Variants in PLEKHG4 observed in about 807,000 individuals in gnomAD.
PLEKHG4 encodes the protein puratrophin-1.
In PLEKHG4, 85 loss-of-function variants were observed where a neutral mutation model predicts 136.9. That is an observed-to-expected ratio of 0.62 (90% CI 0.52 to 0.74). PLEKHG4 has a LOEUF of 0.74. Among genes scored for constraint, PLEKHG4 ranks in the 30% least tolerant of loss-of-function variants. The pLI, the probability that PLEKHG4 is intolerant of heterozygous loss-of-function variation, is 0.00. For missense variants in PLEKHG4, 1,317 were observed against 1,527.8 expected (o/e 0.86, Z 2.30); for synonymous variants, 577 against 646.9 (o/e 0.89, Z 1.64).
At position 67,285,377 on chromosome 16, in the gene PLEKHG4, G is replaced by T. The variant is rs140480523; in HGVS notation, c.2283G>T (p.Glu761Asp). 9 of 1,614,118 alleles carry T rather than the reference G, an allele frequency of 5.6e-6. No homozygotes were observed. The highest frequency in any genetic ancestry group is 5.5e-5 in the South Asian group (5 of 91,094). ...ACACTATGGAGAACTATTTCCCCGA[G>T]CTGGATCGCCCCGATGTGCCCCAGG... ...LEYTMENYFP[E>D]LDRPDVPQGL... The change falls in exon 14 of 22, where the codon GAG becomes GAT. Residue 761 changes from glutamate (E) to aspartate (D), a missense_variant. Physicochemically the swap from Glu to Asp is conservative, Grantham distance 45. Coordinates refer to ENST00000379344, the MANE Select transcript of PLEKHG4 (RefSeq NM_001129729.3).
Position 67,284,278 on chromosome 16 carries a change from C to T in PLEKHG4, c.1513C>T (p.Gln505Ter). ...FQELYQVAQE[Q>*]VRQGEKFLQP... The stretch of plus-strand genomic sequence containing the variant: ...AGCCTAGTCTCTGTCTCTGCAGGAG[C>T]AGGTCAGGCAAGGGGAGAAGTTTCT... Residue 505 changes from glutamine (Q) to a stop codon, truncating the protein, a stop_gained, in exon 12 of 22, where the codon CAG (glutamine) becomes TAG (stop). Coordinates refer to ENST00000379344, the MANE Select transcript of PLEKHG4 (RefSeq NM_001129729.3). LOFTEE classifies it high-confidence loss of function. This position sits in a 1 kb window ranked among gnomAD's most constrained non-coding sequence, Gnocchi z 4.4. The T allele has an allele frequency of 6.2e-7, 1 of 1,613,664 alleles. No homozygotes were observed. The highest frequency in any genetic ancestry group is 8.5e-7 in the Non-Finnish European group (1 of 1,179,824).
chr16:67,281,838 G>A lies in PLEKHG4; in HGVS notation c.1005+1G>A. 6.2e-7 allele frequency: 1 copy of A among 1,611,058 alleles called. No homozygotes were observed. Among genetic ancestry groups the A allele is most frequent in the Non-Finnish European group, 8.5e-7 (1 of 1,178,542 alleles). On this transcript the variant is annotated splice_donor_variant, in intron 7 of 21. Coordinates refer to ENST00000379344, the MANE Select transcript of PLEKHG4 (RefSeq NM_001129729.3). LOFTEE classifies it high-confidence loss of function. ...CCAGGCCTGGCTGGATTTCCGAAGG[G>A]TCAGTACACTGGGTGGGGCATGGGG...
upstream of PLEKHG4, chr16:67,279,244 C>T (rs1389796154): frequency 6.6e-6 from 1 of 152,180 alleles, no homozygotes; most frequent in Non-Finnish European, 1.5e-5. Context: ...GACCGTTGGT[C>T]GCTGCCCCAA....
In PLEKHG4 at chr16:67,289,217, CTTAAAGCCGAGCT is replaced by C; in HGVS notation, c.*410_*422del. 2.3e-6 allele frequency: 1 copy of C among 443,636 alleles called. No individual in the cohort carries two copies. Among genetic ancestry groups the C allele is most frequent in the South Asian group, 2.5e-5 (1 of 40,696 alleles). The allele number at this position is 443,636 out of a possible 1,614,324, so 27.5% of individuals were successfully genotyped here. A position where few individuals can be genotyped will look rare whatever the true frequency, so the allele number is the denominator to read the frequency against. On this transcript the variant is annotated 3_prime_UTR_variant, in exon 22 of 22. Coordinates refer to ENST00000379344, the MANE Select transcript of PLEKHG4 (RefSeq NM_001129729.3). ...TAGCAGCTGATCCCCAATGCCTGGC[CTTAAAGCCGAGCT>C]CAGTTACCATAGGGACAGGTCCACC... is the stretch of plus-strand genomic sequence containing the variant.
Position 67,284,330 on chromosome 16 carries a change from C to T in PLEKHG4, c.1565C>T (p.Ala522Val). The T allele has an allele frequency of 6.2e-6, 10 of 1,613,860 alleles. No homozygotes were observed. Among genetic ancestry groups the T allele is most frequent in the Non-Finnish European group, 8.5e-6 (10 of 1,179,936 alleles). Residue 522 changes from alanine to valine, a missense_variant, in exon 12 of 22, where the codon GCT becomes GTT. Transcript: ENST00000379344. The surrounding 1 kb of genome is among the most constrained non-coding windows in gnomAD (Gnocchi z 4.4). ...CAGCCGCTGACTGGCTGGGAGGCGG[C>T]TGAACTGGACCCCCCTGGGGCACGC... ...FLQPLTGWEA[A>V]ELDPPGARFL...
At position 67,284,448 on chromosome 16, in the gene PLEKHG4, C is replaced by T. The variant is rs1202556820; in HGVS notation, c.1683C>T (p.Leu561=). 8.1e-6 allele frequency: 13 copies of T among 1,613,782 alleles called. No individual in the cohort carries two copies. Among genetic ancestry groups the T allele is most frequent in the Non-Finnish European group, 1.0e-5 (12 of 1,179,886 alleles). Residue 561 remains leucine, a synonymous_variant, in exon 12 of 22, where the codon CTC becomes CTT. Transcript: ENST00000379344. This position sits in a 1 kb window ranked among gnomAD's most constrained non-coding sequence, Gnocchi z 4.4. ...RLADAERLFQ[L]FREALTWAEE... ...CGGATGCTGAGAGGCTGTTTCAGCT[C>T]TTCAGGGAGGTGGGTGAGAGTCTCC...
At position 67,282,273 on chromosome 16, in the gene PLEKHG4, C is replaced by T. The variant is rs1277307737; in HGVS notation, c.1177C>T (p.Leu393=). 1.2e-6 allele frequency: 2 copies of T among 1,613,196 alleles called. No homozygotes were observed. The highest frequency in any genetic ancestry group is 1.3e-5 in the African/African-American group (1 of 74,934). ...GCTAGACTCGCCATGGCTGGCATGG[C>T]TACAATGCCAGGGGGGCCGGGAGCT... ...QVLDSPWLAW[L]QCQGGRELTW... Residue 393 remains leucine (L), a synonymous_variant, in exon 9 of 22, where the codon CTA becomes TTA. Coordinates refer to ENST00000379344, the MANE Select transcript of PLEKHG4 (RefSeq NM_001129729.3).
chr16:67,282,940 TCAATC>T lies in PLEKHG4; in HGVS notation c.1509+84_1509+88del. On this transcript the variant is annotated intron_variant, in intron 11 of 21. Coordinates refer to ENST00000379344, the MANE Select transcript of PLEKHG4 (RefSeq NM_001129729.3). ...GAATGCAGAACTGTGTGAAAGCAAT[TCAATC>T]CTTTGCTTTCTTAGACCTTATAGTC... 17 of 1,007,744 alleles carry T rather than the reference TCAATC, an allele frequency of 1.7e-5. No individual in the cohort carries two copies. In the South Asian group the frequency reaches 2.2e-4, roughly 13 times the overall value. 62.4% of individuals were successfully genotyped at this position (1,007,744 alleles called of 1,614,324 possible). A position where few individuals can be genotyped will look rare whatever the true frequency, so the allele number is the denominator to read the frequency against.
rs916596330 is a variant in PLEKHG4 at position 67,284,580 on chromosome 16, G to A, written c.1692+123G>A. 11 of 1,472,452 alleles carry A rather than the reference G, an allele frequency of 7.5e-6. No individual in the cohort carries two copies. The African/African-American group carries it at 1.3e-4, about 17-fold the overall frequency. The allele number at this position is 1,472,452 out of a possible 1,614,324, so 91.2% of individuals were successfully genotyped here. On this transcript the variant is annotated intron_variant, in intron 12 of 21. Transcript: ENST00000379344. The surrounding 1 kb of genome is among the most constrained non-coding windows in gnomAD (Gnocchi z 4.4). ...TGTTCTCTTCCCTGGTCTTCAGTTT[G>A]ACCCTAAAACCCAGTCACTGGGGCT...
rs148880072 is a variant in PLEKHG4 at position 67,281,772 on chromosome 16, G to A, written c.940G>A (p.Gly314Arg). 5.4e-5 allele frequency: 87 copies of A among 1,613,852 alleles called. No individual in the cohort carries two copies. The highest frequency in any genetic ancestry group is 1.6e-4 in the Middle Eastern group (1 of 6,084). Residue 314 changes from glycine to arginine, a missense_variant, in exon 7 of 22, where the codon GGG (glycine) becomes AGG (arginine). Gly to Arg is a moderately radical substitution (Grantham distance 125). Transcript: ENST00000379344. ...QSLLTHIPTA[G>R]LPTSLGGGLP... is the part of the protein sequence containing the mutation. Reference sequence around the variant, plus strand: ...CCTGCTGACCCACATCCCAACGGCGGGGCTGCCCACTTCGCTAGGAGGAGG... The same window carrying A: ...CCTGCTGACCCACATCCCAACGGCGAGGCTGCCCACTTCGCTAGGAGGAGG...
rs2036579555 is a variant in PLEKHG4, at chr16:67,288,281, T to A, written c.3335T>A (p.Leu1112His). 6.2e-7 allele frequency: 1 copy of A among 1,613,300 alleles called. No individual in the cohort carries two copies. The highest frequency in any genetic ancestry group is 1.3e-5 in the African/African-American group (1 of 75,038). ...DPASCSVLGS[L>H]NLHLYRDPAL... ...GCCTCTTGCTCTGTTCTGGGGTCCCTCAACCTGCACCTGTACAGAGACCCA... is the reference window on the plus strand; with the variant it reads ...GCCTCTTGCTCTGTTCTGGGGTCCCACAACCTGCACCTGTACAGAGACCCA... The change falls in exon 20 of 22, where the codon CTC becomes CAC. Residue 1112 changes from leucine to histidine, a missense_variant. By Grantham distance (99) the Leu-to-His change is moderately conservative. Transcript: ENST00000379344.
Position 67,282,154 on chromosome 16 carries a change from CCTT to C in PLEKHG4, c.1105-44_1105-42del, listed in dbSNP as rs541293899. ...CTCCATGAATGCTCCCTGTCTCCCT[CCTT>C]CTCTCCCATGGCCACCTCCACAGCT... On this transcript the variant is annotated intron_variant, in intron 8 of 21. Coordinates refer to ENST00000379344, the MANE Select transcript of PLEKHG4 (RefSeq NM_001129729.3). 5.3e-3 allele frequency: 8,487 copies of C among 1,613,516 alleles called. 32 individuals are homozygous for C. The highest frequency in any genetic ancestry group is 6.4e-3 in the Non-Finnish European group (7,531 of 1,179,916).
At position 67,282,324 on chromosome 16, in the gene PLEKHG4, G is replaced by C; in HGVS notation, c.1228G>C (p.Glu410Gln). 6.2e-7 allele frequency: 1 copy of C among 1,612,914 alleles called. No homozygotes were observed. Among genetic ancestry groups the C allele is most frequent in the Non-Finnish European group, 8.5e-7 (1 of 1,179,876 alleles). ...GACATGGCTGAAGCAAGAGGTCCCA[G>C]AGGTGACCCTGAGCCCAGACTACAG... ...ELTWLKQEVPEVTLSPDYRTA... is the reference protein window; with the variant it reads ...ELTWLKQEVPQVTLSPDYRTA... The change falls in exon 9 of 22, where the codon GAG becomes CAG. Residue 410 changes from glutamate (E) to glutamine (Q), a missense_variant. Glu to Gln is a conservative substitution (Grantham distance 29). Coordinates refer to ENST00000379344, the MANE Select transcript of PLEKHG4 (RefSeq NM_001129729.3).
At chr16:67,287,511 C>T in intron 18 of PLEKHG4, 3 of 496,010 alleles carry the variant, frequency 6.0e-6, no homozygotes, top group Non-Finnish European at 1.1e-5. Context: ...GCATTCTTCC[C>T]ACCTAAGCCT....
At chr16:67,287,643 T>G (rs1441945695) in intron 18 of PLEKHG4, 27 of 560,650 alleles carry the variant, frequency 4.8e-5, no homozygotes, top group Non-Finnish European at 1.6e-5. Flanking sequence ...TCCTCCTACC[T>G]CGGCCTCCCA....
chr16:67,286,411 C>G (rs747069507), intron 15 of PLEKHG4, 34 bp from the exon 16 acceptor site: 1 of 1,608,684 alleles, frequency 6.2e-7, no homozygotes, highest in Non-Finnish European at 8.5e-7. Context: ...GGGAGTGCCC[C>G]CAAACCACTC....
At position 67,281,851 on chromosome 16, in the gene PLEKHG4, G is replaced by A; in HGVS notation, c.1005+14G>A. Reference sequence around the variant, plus strand: ...GATTTCCGAAGGGTCAGTACACTGGGTGGGGCATGGGGGCAGTCATATAGG... The same window carrying A: ...GATTTCCGAAGGGTCAGTACACTGGATGGGGCATGGGGGCAGTCATATAGG... On this transcript the variant is annotated intron_variant, in intron 7 of 21. Transcript: ENST00000379344. The A allele has an allele frequency of 6.2e-7, 1 of 1,603,916 alleles. No individual in the cohort carries two copies. Among genetic ancestry groups the A allele is most frequent in the Non-Finnish European group, 8.5e-7 (1 of 1,172,578 alleles).
intron 5 of PLEKHG4, 142 bp from the exon 6 acceptor site, chr16:67,281,425 A>T: frequency 1.3e-6 from 1 of 767,366 alleles, no homozygotes; most frequent in South Asian, 1.5e-5. Context: ...GGGTTTCACC[A>T]TGTGTTGCCC....
rs2036412772 is a variant in PLEKHG4, at chr16:67,285,188, G to A, written c.2168G>A (p.Gly723Asp). 6.2e-7 allele frequency: 1 copy of A among 1,613,634 alleles called. No homozygotes were observed. The highest frequency in any genetic ancestry group is 1.7e-5 in the Admixed American group (1 of 60,028). ...PQASPTVPPPGSSDPRSLNRL... is the reference protein window; with the variant it reads ...PQASPTVPPPDSSDPRSLNRL... ...GCATCCCCTACTGTGCCTCCACCAGGCAGCTCTGACCCCAGGAGCCTCAAC... is the reference window on the plus strand; with the variant it reads ...GCATCCCCTACTGTGCCTCCACCAGACAGCTCTGACCCCAGGAGCCTCAAC... Residue 723 changes from glycine (G) to aspartate (D), a missense_variant, in exon 13 of 22, where the codon GGC (glycine) becomes GAC (aspartate). Physicochemically the swap from Gly to Asp is moderately conservative, Grantham distance 94 (BLOSUM62 -1). Coordinates refer to ENST00000379344, the MANE Select transcript of PLEKHG4 (RefSeq NM_001129729.3).
Sources: gnomAD v4.1 joint callset for allele counts on GRCh38, gnomAD v4.1.1 for gene constraint, Gnocchi (gnomAD v3.1) non-coding constraint, MANE v1.5 for transcripts, NCBI Gene and HGNC (gene_info 2026-07-23, HGNC 2026-07-21) for gene names.